Variants in PCDH9 observed in about 807,000 individuals in gnomAD.
The protein encoded by PCDH9 is protocadherin 9, also known as protocadherin-9.
Under a neutral mutation model 70.6 loss-of-function variants are expected in PCDH9, and 24 were observed. The ratio of observed to expected loss-of-function variants is 0.34; its 90% CI spans 0.25 to 0.48. The LOEUF is 0.48. Ranked by LOEUF, PCDH9 falls within the 20% of genes least tolerant of loss-of-function variation. The pLI is 0.99. For missense variants in PCDH9, 1,281 were observed against 1,503.6 expected (o/e 0.85, Z 2.45); for synonymous variants, 562 against 558.5 (o/e 1.01, Z -0.09).
At chr13:66,873,269 T>C (rs563287963) in intron 3 of PCDH9, among the ~76,000 whole-genome samples, 56 of 152,276 alleles carry the variant, frequency 3.7e-4, no homozygotes, top group African/African-American at 1.3e-3. Flanking sequence ...TATAAAAACA[T>C]TTAAAATAAA....
At position 66,376,445 on chromosome 13, in the gene PCDH9, G is replaced by T. The variant is rs1318322699; in HGVS notation, c.3341-71417C>A. Among the ~76,000 whole-genome samples, 6 of 152,020 alleles carry T rather than the reference G, an allele frequency of 3.9e-5. No individual in the cohort carries two copies. In the South Asian group the frequency reaches 1.0e-3, roughly 26 times the overall value. ...ATTAATATGATCTTTTTTTGCAGTT[G>T]TTCTCCTTATAATAATGTAATTTCA... On this transcript the variant is annotated intron_variant, in intron 4 of 4. Transcript: ENST00000377865.
intron 4 of PCDH9, among the ~76,000 whole-genome samples, chr13:66,355,841 T>G (rs74777849): frequency 0.031 from 4,677 of 152,170 alleles, 183 homozygotes; most frequent in East Asian, 0.19. Context: ...ACATAACTAC[T>G]GAAAAGAACA....
intron 3 of PCDH9, among the ~76,000 whole-genome samples, chr13:66,643,685 TA>T (rs1593828166): frequency 6.6e-6 from 1 of 152,086 alleles, no homozygotes; most frequent in African/African-American, 2.4e-5. Flanking sequence ...TGAATTGTAC[TA>T]AAAAATGTAG....
At chr13:66,980,119 T>C (rs1176113936) in intron 2 of PCDH9, among the ~76,000 whole-genome samples, 1 of 151,762 alleles carries the variant, frequency 6.6e-6, no homozygotes, top group Non-Finnish European at 1.5e-5. Flanking sequence ...TATCTATCTA[T>C]CTATCTATCT....
In PCDH9 at chr13:67,022,704, AGCCG is replaced by A. The variant is rs1334950221; in HGVS notation, c.3037-119103_3037-119100del. 2.6e-5 allele frequency among the ~76,000 whole-genome samples: 4 copies of A among 152,172 alleles called. No individual in the cohort carries two copies. The South Asian group carries it at 8.3e-4, about 31-fold the overall frequency. ...ACATTTAATAAAGATGAATCTTTCTAGCCGTTCAACACCCTCACCTATTTTAAAA... is the reference window on the plus strand; with the variant it reads ...ACATTTAATAAAGATGAATCTTTCTATTCAACACCCTCACCTATTTTAAAA... On this transcript the variant is annotated intron_variant, in intron 2 of 4. Transcript: ENST00000377865.
At chr13:66,766,723 T>C (rs574958725) in intron 3 of PCDH9, among the ~76,000 whole-genome samples, 1 of 152,120 alleles carries the variant, frequency 6.6e-6, no homozygotes, top group East Asian at 1.9e-4. Flanking sequence ...TTCTAACTTC[T>C]GTGTGTTTGG....
chr13:66,363,692 A>C (rs772572511), intron 4 of PCDH9, among the ~76,000 whole-genome samples: 23 of 152,208 alleles, frequency 1.5e-4, no homozygotes, highest in Non-Finnish European at 2.9e-4. Flanking sequence ...ACTTTTACTG[A>C]ATTTCATATG....
At chr13:66,707,251 A>AT (rs1384373266) in intron 3 of PCDH9, among the ~76,000 whole-genome samples, 4 of 152,150 alleles carry the variant, frequency 2.6e-5, no homozygotes, top group Non-Finnish European at 1.5e-5. Context: ...AGTAATTTTA[A>AT]TTTTTTGTCG....
chr13:67,194,352 G>A (rs1307490524), intron 2 of PCDH9, among the ~76,000 whole-genome samples: 1 of 142,586 alleles, frequency 7.0e-6, no homozygotes, highest in Non-Finnish European at 1.6e-5. Flanking sequence ...ACTGAAATAA[G>A]TTTTTTAACT....
intron 3 of PCDH9, among the ~76,000 whole-genome samples, chr13:66,648,925 A>G (rs187417873): frequency 6.6e-6 from 1 of 152,200 alleles, no homozygotes. Flanking sequence ...GACATACTAA[A>G]CAATGTGTCA....
At chr13:67,140,312 A>G (rs1474773627) in intron 2 of PCDH9, among the ~76,000 whole-genome samples, 1 of 152,022 alleles carries the variant, frequency 6.6e-6, no homozygotes, top group Non-Finnish European at 1.5e-5. Context: ...TTTACAGCAC[A>G]GAACCTGTTA....
intron 4 of PCDH9, among the ~76,000 whole-genome samples, chr13:66,494,662 G>A (rs910236067): frequency 6.6e-6 from 1 of 152,036 alleles, no homozygotes; most frequent in Non-Finnish European, 1.5e-5. Context: ...TTTAAGGTAT[G>A]TACATTTTAA....
chr13:66,977,737 G>A (rs571620665), intron 2 of PCDH9, among the ~76,000 whole-genome samples: 1 of 152,192 alleles, frequency 6.6e-6, no homozygotes. Context: ...GAGTACTTCA[G>A]ATCATCCTAA....
chr13:66,816,359 G>A (rs1594097564), intron 3 of PCDH9, among the ~76,000 whole-genome samples: 1 of 152,068 alleles, frequency 6.6e-6, no homozygotes, highest in Non-Finnish European at 1.5e-5. Context: ...TAGATCAGTA[G>A]GATTATGATC....
At chr13:66,363,295 A>T (rs1226752649) in intron 4 of PCDH9, among the ~76,000 whole-genome samples, 2 of 152,074 alleles carry the variant, frequency 1.3e-5, no homozygotes, top group Non-Finnish European at 2.9e-5. Context: ...CAGATCTTTA[A>T]TTTTTCCTCA....
At chr13:66,385,212 T>A (rs1956909554) in intron 4 of PCDH9, among the ~76,000 whole-genome samples, 1 of 152,178 alleles carries the variant, frequency 6.6e-6, no homozygotes, top group Non-Finnish European at 1.5e-5. Context: ...TAGCACTGAA[T>A]AATATTCAAT....
chr13:67,045,670 G>A (rs995258744), intron 2 of PCDH9, among the ~76,000 whole-genome samples: 2 of 152,008 alleles, frequency 1.3e-5, no homozygotes, highest in African/African-American at 4.8e-5. Context: ...TCATGAAATT[G>A]GAGACTCTGT....
At chr13:66,873,458 A>T (rs1320132241) in intron 3 of PCDH9, among the ~76,000 whole-genome samples, 1 of 152,140 alleles carries the variant, frequency 6.6e-6, no homozygotes, top group African/African-American at 2.4e-5. Context: ...AAGGACGAGA[A>T]GCTCTTTACT....
At chr13:66,608,531 A>G (rs117595703) in intron 4 of PCDH9, among the ~76,000 whole-genome samples, 1,755 of 152,174 alleles carry the variant, frequency 0.012, 26 homozygotes, top group Middle Eastern at 0.038. Flanking sequence ...GATGCTTGGA[A>G]TAAGAGGACA....
Sources: gnomAD v4.1 joint callset for allele counts (sites outside exome capture counted in the v4.1 genomes callset) on GRCh38, gnomAD v4.1.1 for gene constraint, MANE v1.5 for transcripts, NCBI Gene and HGNC (gene_info 2026-07-23, HGNC 2026-07-21) for gene names.